The following SLC29A4 variants were observed in gnomAD, a reference collection of about 807,000 sequenced individuals.
SLC29A4 encodes the protein equilibrative nucleoside transporter 4.
SLC29A4 carries 36 observed loss-of-function variants against 43.9 expected under a neutral mutation model. The observed-to-expected ratio is 0.82, with a 90% confidence interval of 0.63 to 1.08. The LOEUF (loss-of-function observed/expected upper bound fraction) is 1.08. Among genes scored for constraint, SLC29A4 ranks in the 50% least tolerant of loss-of-function variants. SLC29A4 has a pLI of 0.00. For missense variants in SLC29A4, 869 were observed against 755.3 expected (o/e 1.15, Z -1.77); for synonymous variants, 491 against 338.0 (o/e 1.45, Z -4.97).
rs1491414044 is a variant in SLC29A4 at position 5,305,556 on chromosome 7, GCT to G, written c.*2618_*2619del. On this transcript the variant is annotated 3_prime_UTR_variant, in exon 11 of 11. Transcript: ENST00000396872. The stretch of plus-strand genomic sequence containing the variant: ...GGCATGGCTGGAAATGTGCAGCTTT[GCT>G]TTTTTTTTTTTTTTTTTTGGAGGAG... 8.5e-6 allele frequency: 1 copy of G among 117,670 alleles called. No individual in the cohort carries two copies. Among genetic ancestry groups the G allele is most frequent in the Non-Finnish European group, 1.8e-5 (1 of 55,582 alleles). The allele number at this position is 117,670 out of a possible 1,614,324, so 7.3% of individuals were successfully genotyped here.
At chr7:5,297,698 C>T (rs1230535493) in intron 7 of SLC29A4, among the ~76,000 whole-genome samples, 1 of 152,172 alleles carries the variant, frequency 6.6e-6, no homozygotes, top group Non-Finnish European at 1.5e-5. Context: ...CAGGGATAAC[C>T]CTGGTTTCCC....
chr7:5,298,932 C>G, intron 7 of SLC29A4, 56 bp from the exon 8 acceptor site: 1 of 1,568,702 alleles, frequency 6.4e-7, no homozygotes, highest in South Asian at 1.1e-5. Flanking sequence ...ATTCCTGGCC[C>G]GTGTCTCCTG....
rs1333210739 is a variant in SLC29A4 at position 5,306,187 on chromosome 7, A to ATTTGTTTTTTTTTTTTTTT, written c.*3251_*3252insGTTTTTTTTTTTTTTTTTT. ...ATTTTTTCTCATGTAAATTTGTTCA[A>ATTTGTTTTTTTTTTTTTTT]TTTCTTTTTTTTTTTTTTTTTTTTT... On this transcript the variant is annotated 3_prime_UTR_variant, in exon 11 of 11. Transcript: ENST00000396872. 8.5e-6 allele frequency: 1 copy of ATTTGTTTTTTTTTTTTTTT among 117,584 alleles called. No homozygotes were observed. The highest frequency in any genetic ancestry group is 2.7e-4 in the South Asian group (1 of 3,656). The allele number at this position is 117,584 out of a possible 1,614,324, so 7.3% of individuals were successfully genotyped here.
intron 10 of SLC29A4, among the ~76,000 whole-genome samples, chr7:5,301,275 A>G (rs1035593705): frequency 1.3e-5 from 2 of 151,960 alleles, no homozygotes; most frequent in South Asian, 4.2e-4. Flanking sequence ...AAAAAAAAAA[A>G]AAATCCCAGA....
chr7:5,294,020 C>G (rs1484211482), intron 5 of SLC29A4, among the ~76,000 whole-genome samples: 1 of 151,778 alleles, frequency 6.6e-6, no homozygotes, highest in Non-Finnish European at 1.5e-5. Context: ...GCAGGAGAAT[C>G]ATGTGAACCC....
At chr7:5,288,859 T>C (rs1583652181) in intron 2 of SLC29A4, among the ~76,000 whole-genome samples, 1 of 152,002 alleles carries the variant, frequency 6.6e-6, no homozygotes, top group Non-Finnish European at 1.5e-5. Context: ...AGGCTTGGAG[T>C]CTGACAGGCT....
chr7:5,290,604 G>C (rs1250117003), intron 2 of SLC29A4, 128 bp from the exon 3 acceptor site: 2 of 1,253,510 alleles, frequency 1.6e-6, no homozygotes, highest in African/African-American at 3.0e-5. Flanking sequence ...TGGAACAGAG[G>C]GGAGCAGGGG....
intron 5 of SLC29A4, among the ~76,000 whole-genome samples, chr7:5,293,774 G>A (rs1254897353): frequency 6.6e-6 from 1 of 152,104 alleles, no homozygotes; most frequent in African/African-American, 2.4e-5. Context: ...CACATAGCTG[G>A]GATTACAGGC....
Position 5,291,110 on chromosome 7 carries a change from C to CT in SLC29A4, c.302-13dup, listed in dbSNP as rs1785277618. On this transcript the variant is annotated splice_polypyrimidine_tract_variant and intron_variant, in intron 3 of 10. Transcript: ENST00000396872. ...GGGCCTCCCTGAGCACCTGCTGTCT[C>CT]TGGCCCTCTGCAGGGACCTCCATCG... The CT allele has an allele frequency of 1.2e-6, 2 of 1,613,060 alleles. No homozygotes were observed.
At chr7:5,292,690 CTTTTTTT>C (rs1056329272) in intron 5 of SLC29A4, among the ~76,000 whole-genome samples, 648 of 67,352 alleles carry the variant, frequency 9.6e-3, no homozygotes, top group Middle Eastern at 0.014. Flanking sequence ...CATTTTTTTC[CTTTTTTT>C]TTTTTTTTTT....
At chr7:5,284,061 T>C in intron 1 of SLC29A4, among the ~76,000 whole-genome samples, 2 of 88,760 alleles carry the variant, frequency 2.3e-5, no homozygotes, top group Admixed American at 1.6e-4. Flanking sequence ...ACTTGGCCTC[T>C]CTGTGCCTCA....
chr7:5,296,165 C>T (rs1300794248), intron 6 of SLC29A4, among the ~76,000 whole-genome samples: 1 of 152,180 alleles, frequency 6.6e-6, no homozygotes, highest in Non-Finnish European at 1.5e-5. Context: ...CTGCAGACCT[C>T]CGCGTCAAAG....
chr7:5,294,060 C>T (rs185305795), intron 5 of SLC29A4, among the ~76,000 whole-genome samples: 50 of 151,772 alleles, frequency 3.3e-4, no homozygotes, highest in African/African-American at 1.1e-3. Flanking sequence ...GAGCCGAGAT[C>T]GCACCACTGC....
At chr7:5,297,375 C>T (rs775786792) in intron 7 of SLC29A4, among the ~76,000 whole-genome samples, 177 bp downstream of exon 7, 30 of 152,228 alleles carry the variant, frequency 2.0e-4, no homozygotes, top group Non-Finnish European at 3.8e-4. Flanking sequence ...ACTGATGTGG[C>T]TTCTTACTGG....
In SLC29A4 at chr7:5,300,522, C is replaced by T. The variant is rs1258283221; in HGVS notation, c.1310C>T (p.Pro437Leu). The T allele has an allele frequency of 2.2e-5, 35 of 1,612,100 alleles. No homozygotes were observed. Among genetic ancestry groups the T allele is most frequent in the Non-Finnish European group, 2.9e-5 (34 of 1,179,780 alleles). The part of the protein sequence containing the change: ...FIPLFILCVY[P>L]SGMPALRHPA... ...CCCCTCTTCATCCTGTGCGTCTACC[C>T]CAGCGGCATGCCCGCCCTCCGTCAC... is the stretch of plus-strand genomic sequence containing the variant. The change falls in exon 10 of 11, where the codon CCC becomes CTC. Residue 437 changes from proline (P) to leucine (L), a missense_variant. Coordinates refer to ENST00000396872, the MANE Select transcript of SLC29A4 (RefSeq NM_153247.4).
At chr7:5,284,180 T>TCAACC (rs1784827125) in intron 1 of SLC29A4, among the ~76,000 whole-genome samples, 1 of 152,074 alleles carries the variant, frequency 6.6e-6, no homozygotes, top group South Asian at 2.1e-4. Context: ...GGCCAGGAGT[T>TCAACC]CAAGGCCAGC....
intron 1 of SLC29A4, among the ~76,000 whole-genome samples, chr7:5,284,254 G>A (rs1784830870): frequency 6.6e-6 from 1 of 152,206 alleles, no homozygotes; most frequent in African/African-American, 2.4e-5. Flanking sequence ...ATAAATGGGG[G>A]AGAGCGGTGG....
intron 6 of SLC29A4, among the ~76,000 whole-genome samples, chr7:5,296,141 C>G (rs542552102): frequency 1.6e-3 from 248 of 152,314 alleles, no homozygotes; most frequent in African/African-American, 5.4e-3. Flanking sequence ...CCAGGCTGCA[C>G]TCCCGGCCCT....
chr7:5,296,960 T>A lies in SLC29A4; in HGVS notation c.644T>A (p.Leu215Gln). 1 of 1,587,818 alleles carries A rather than the reference T, an allele frequency of 6.3e-7. No individual in the cohort carries two copies. The highest frequency in any genetic ancestry group is 8.5e-7 in the Non-Finnish European group (1 of 1,171,300). ...GESTAGVMIS[L>Q]SRILTKLLLP... is the part of the protein sequence containing the mutation. Reference sequence around the variant, plus strand: ...GGCACGGCGGGCGTGATGATCTCTCTGAGCCGCATCCTCACGAAGCTGCTG... The same window carrying A: ...GGCACGGCGGGCGTGATGATCTCTCAGAGCCGCATCCTCACGAAGCTGCTG... The change falls in exon 7 of 11, where the codon CTG (leucine) becomes CAG (glutamine). Residue 215 changes from leucine (L) to glutamine (Q), a missense_variant. Coordinates refer to ENST00000396872, the MANE Select transcript of SLC29A4 (RefSeq NM_153247.4).
Sources: allele counts gnomAD v4.1 joint callset (sites outside exome capture counted in the v4.1 genomes callset), GRCh38; gene constraint gnomAD v4.1.1; transcripts MANE v1.5; gene names NCBI Gene and HGNC (gene_info 2026-07-23, HGNC 2026-07-21).